The following SLC9A9 variants were observed in gnomAD, a reference collection of about 807,000 sequenced individuals.
The protein encoded by SLC9A9 is sodium/hydrogen exchanger 9.
Under a neutral mutation model 77.8 loss-of-function variants are expected in SLC9A9, and 62 were observed. The observed-to-expected ratio is 0.80, with a 90% CI of 0.65 to 0.98. The LOEUF is 0.98. Ranked by LOEUF, SLC9A9 falls within the 50% of genes least tolerant of loss-of-function variation. SLC9A9 has a pLI of 0.00. For synonymous variants in SLC9A9, 320 were observed against 283.5 expected, an observed-to-expected ratio of 1.13 and a Z score of -1.29; for missense variants, 775 against 774.9, an observed-to-expected ratio of 1.00 and a Z score of 0.00.
intron 4 of SLC9A9, among the ~76,000 whole-genome samples, chr3:143,739,721 C>T (rs1482202538): frequency 1.3e-5 from 2 of 152,118 alleles, no homozygotes; most frequent in African/African-American, 2.4e-5. Context: ...TTAATCTGTC[C>T]TTTTGTTTCC....
intron 14 of SLC9A9, among the ~76,000 whole-genome samples, chr3:143,309,602 T>A (rs1302997779): frequency 6.6e-6 from 1 of 152,192 alleles, no homozygotes; most frequent in African/African-American, 2.4e-5. Context: ...GACCCTTTCT[T>A]CTCATGTTTC....
intron 9 of SLC9A9, among the ~76,000 whole-genome samples, chr3:143,535,807 G>A (rs983937357): frequency 6.6e-6 from 1 of 152,052 alleles, no homozygotes; most frequent in Non-Finnish European, 1.5e-5. Context: ...TATATAAAAT[G>A]TTCCACCCAT....
chr3:143,527,187 T>C (rs1244552126), intron 9 of SLC9A9, among the ~76,000 whole-genome samples: 3 of 152,224 alleles, frequency 2.0e-5, no homozygotes, highest in African/African-American at 2.4e-5. Context: ...TCATTTTAGC[T>C]TTTTATTTTT....
intron 14 of SLC9A9, among the ~76,000 whole-genome samples, chr3:143,309,456 G>T (rs2030937649): frequency 6.7e-6 from 1 of 149,720 alleles, no homozygotes; most frequent in Non-Finnish European, 1.5e-5. Context: ...GTCACCAGAT[G>T]ATTTTTTTCC....
intron 2 of SLC9A9, among the ~76,000 whole-genome samples, chr3:143,822,356 C>G (rs2009187845): frequency 6.6e-6 from 1 of 152,212 alleles, no homozygotes; most frequent in East Asian, 1.9e-4. Context: ...ATGAAGACCA[C>G]TCGAATTTGC....
At chr3:143,658,937 C>T (rs974463708) in intron 5 of SLC9A9, among the ~76,000 whole-genome samples, 4 of 152,148 alleles carry the variant, frequency 2.6e-5, no homozygotes, top group African/African-American at 9.7e-5. Context: ...TTAAAATCTT[C>T]CCCAAGGGTA....
At chr3:143,341,739 T>G (rs1413404723) in intron 14 of SLC9A9, among the ~76,000 whole-genome samples, 1 of 152,184 alleles carries the variant, frequency 6.6e-6, no homozygotes, top group Non-Finnish European at 1.5e-5. Context: ...GGGACTGAAA[T>G]TTTTTACAAT....
rs2034900657 is a variant in SLC9A9 at position 143,448,930 on chromosome 3, A to AT, written c.1469+18106dup. Among the ~76,000 whole-genome samples the AT allele has an allele frequency of 1.4e-4, 4 of 28,680 alleles. 2 individuals carry two copies. The highest frequency in any genetic ancestry group is 1.5e-3 in the Admixed American group (2 of 1,322). The allele number at this position is 28,680 out of a possible 152,430, so 18.8% of individuals were successfully genotyped here. A position where few individuals can be genotyped will look rare whatever the true frequency, so the allele number is the denominator to read the frequency against. On this transcript the variant is annotated intron_variant, in intron 12 of 15. Coordinates refer to ENST00000316549, the MANE Select transcript of SLC9A9 (RefSeq NM_173653.4). Reference sequence around the variant, plus strand: ...TATGATATATATTATATATTATAATATATAATATGATATATAATATATAAT... The same window carrying AT: ...TATGATATATATTATATATTATAATATTATAATATGATATATAATATATAAT...
intron 4 of SLC9A9, among the ~76,000 whole-genome samples, chr3:143,747,040 G>A (rs773171140): frequency 5.9e-5 from 9 of 151,982 alleles, no homozygotes; most frequent in Non-Finnish European, 1.3e-4. Context: ...GCTGTGGTAC[G>A]CTGAACAATG....
chr3:143,823,990 G>T (rs1358369183), intron 2 of SLC9A9, among the ~76,000 whole-genome samples: 1 of 151,988 alleles, frequency 6.6e-6, no homozygotes, highest in East Asian at 1.9e-4. Context: ...TAAATAAAAA[G>T]GTATATGGAT....
At chr3:143,716,808 CA>C (rs1376896448) in intron 4 of SLC9A9, among the ~76,000 whole-genome samples, 1 of 152,204 alleles carries the variant, frequency 6.6e-6, no homozygotes, top group African/African-American at 2.4e-5. Context: ...AAAAAAGAGA[CA>C]ATTCCCAAGG....
Position 143,844,912 on chromosome 3 carries a change from C to A in SLC9A9, c.175+3236G>T, listed in dbSNP as rs1327299851. On this transcript the variant is annotated intron_variant, in intron 1 of 15. Coordinates refer to ENST00000316549, the MANE Select transcript of SLC9A9 (RefSeq NM_173653.4). ...TTCTTTTCTTCCCCATTAGTTATCACCATGCCCCCCTGCTCTTGCAAAAGC... is the reference window on the plus strand; with the variant it reads ...TTCTTTTCTTCCCCATTAGTTATCAACATGCCCCCCTGCTCTTGCAAAAGC... 4.0e-5 allele frequency among the ~76,000 whole-genome samples: 6 copies of A among 151,898 alleles called. No homozygotes were observed. The East Asian group carries it at 1.2e-3, about 29-fold the overall frequency.
At chr3:143,347,552 T>A (rs1333065971) in intron 14 of SLC9A9, among the ~76,000 whole-genome samples, 2 of 151,690 alleles carry the variant, frequency 1.3e-5, no homozygotes, top group African/African-American at 4.8e-5. Flanking sequence ...AAGCACAGGG[T>A]AAGGAAAGGG....
At chr3:143,311,348 G>A (rs2031012278) in intron 14 of SLC9A9, among the ~76,000 whole-genome samples, 1 of 152,174 alleles carries the variant, frequency 6.6e-6, no homozygotes, top group Non-Finnish European at 1.5e-5. Flanking sequence ...TGAGGTATGT[G>A]GTTCCCATTT....
chr3:143,729,960 T>C (rs901293866), intron 4 of SLC9A9, among the ~76,000 whole-genome samples: 8 of 152,256 alleles, frequency 5.3e-5, no homozygotes, highest in Non-Finnish European at 1.0e-4. Flanking sequence ...TGATAGTTAC[T>C]TGTTATGTGT....
chr3:143,571,501 C>T (rs2037257323), intron 8 of SLC9A9, among the ~76,000 whole-genome samples: 1 of 151,868 alleles, frequency 6.6e-6, no homozygotes. Flanking sequence ...CTCCATTTTC[C>T]CTAAAATTAT....
At chr3:143,395,683 T>A (rs940229194) in intron 12 of SLC9A9, among the ~76,000 whole-genome samples, 4 of 152,092 alleles carry the variant, frequency 2.6e-5, no homozygotes, top group Admixed American at 6.5e-5. Context: ...GGGAGAAAAT[T>A]TTTGCAATCT....
chr3:143,646,987 TTTTG>T (rs2038717674), intron 6 of SLC9A9, among the ~76,000 whole-genome samples: 1 of 152,228 alleles, frequency 6.6e-6, no homozygotes, highest in Admixed American at 6.5e-5. Context: ...ATGTTTCTTC[TTTTG>T]TTTATTAACT....
At chr3:143,820,829 T>TG (rs2009147142) in intron 2 of SLC9A9, among the ~76,000 whole-genome samples, 1 of 152,008 alleles carries the variant, frequency 6.6e-6, no homozygotes, top group Admixed American at 6.6e-5. Context: ...GCTATTTTTT[T>TG]TATTACAGGC....
Sources: allele counts gnomAD v4.1 joint callset (sites outside exome capture counted in the v4.1 genomes callset), GRCh38; gene constraint gnomAD v4.1.1; transcripts MANE v1.5; gene names NCBI Gene and HGNC (gene_info 2026-07-23, HGNC 2026-07-21).